Variants in ANKS1B observed in about 807,000 individuals in gnomAD.
The protein encoded by ANKS1B is ankyrin repeat and sterile alpha motif domain-containing protein 1B.
Under a neutral mutation model 148.3 loss-of-function variants are expected in ANKS1B, and 36 were observed. The ratio of observed to expected loss-of-function variants is 0.24; its 90% CI spans 0.19 to 0.32. ANKS1B has a LOEUF of 0.32. ANKS1B is among the 10% of genes least tolerant of loss of function. ANKS1B has a pLI of 1.00. For missense variants in ANKS1B, 1,157 were observed against 1,542.6 expected (o/e 0.75, Z 4.19); for synonymous variants, 542 against 560.8 (o/e 0.97, Z 0.47).
chr12:98,821,649 C>T (rs1402998234), intron 19 of ANKS1B, among the ~76,000 whole-genome samples: 2 of 152,188 alleles, frequency 1.3e-5, no homozygotes, highest in Non-Finnish European at 2.9e-5. Context: ...TGCTCTGTTT[C>T]CCAGGCTGGA....
chr12:99,327,080 A>G (rs1010657862), intron 12 of ANKS1B, among the ~76,000 whole-genome samples: 3 of 132,174 alleles, frequency 2.3e-5, no homozygotes, highest in African/African-American at 8.5e-5. Flanking sequence ...TAATATATTA[A>G]TGTTATATTA....
chr12:98,895,299 T>C lies in ANKS1B; in HGVS notation c.2779-63163A>G, dbSNP rs568824180. 1,040 of 985,114 alleles carry C rather than the reference T, an allele frequency of 1.1e-3. 15 individuals carry two copies. In the African/African-American group the frequency reaches 0.017, roughly 17 times the overall value. 61.0% of individuals were successfully genotyped at this position (985,114 alleles called of 1,614,324 possible). The stretch of plus-strand genomic sequence containing the variant: ...CGCATCCTCGGTTACTATGGATATC[T>C]CGCTCCTCCGCCGCCCCCTCCGCGC... On this transcript the variant is annotated intron_variant, in intron 17 of 26. Coordinates refer to ENST00000683438, the MANE Select transcript of ANKS1B (RefSeq NM_001352186.2).
intron 17 of ANKS1B, among the ~76,000 whole-genome samples, chr12:99,004,979 T>C (rs543159206): frequency 1.3e-5 from 2 of 152,280 alleles, no homozygotes; most frequent in South Asian, 4.2e-4. Context: ...TAATTGCCTG[T>C]GCCCTCGCAA....
chr12:99,141,644 C>A (rs2070827107), intron 15 of ANKS1B, among the ~76,000 whole-genome samples: 1 of 151,116 alleles, frequency 6.6e-6, no homozygotes, highest in South Asian at 2.1e-4. Context: ...GTGTTCTCAT[C>A]ATTCAGCTCC....
chr12:98,769,055 T>C (rs541367734), intron 25 of ANKS1B, among the ~76,000 whole-genome samples: 17 of 149,674 alleles, frequency 1.1e-4, no homozygotes, highest in African/African-American at 3.9e-4. Context: ...ATGTGACCCA[T>C]AAAAGGTCTT....
chr12:98,742,176 T>C (rs1361223345), downstream of ANKS1B, among the ~76,000 whole-genome samples: 1 of 152,252 alleles, frequency 6.6e-6, no homozygotes, highest in Non-Finnish European at 1.5e-5. Flanking sequence ...CTCCACTGTC[T>C]GAACCAAGTT....
intron 17 of ANKS1B, among the ~76,000 whole-genome samples, chr12:98,905,687 A>G (rs1327614958): frequency 6.6e-6 from 1 of 152,054 alleles, no homozygotes; most frequent in Non-Finnish European, 1.5e-5. Context: ...CAAGAGGATC[A>G]CTTGCGCCCA....
chr12:99,325,543 A>T (rs1286843460), intron 12 of ANKS1B, among the ~76,000 whole-genome samples: 1 of 151,422 alleles, frequency 6.6e-6, no homozygotes, highest in African/African-American at 2.5e-5. Flanking sequence ...AACAGCAGAA[A>T]CAACAGCGAA....
intron 10 of ANKS1B, among the ~76,000 whole-genome samples, chr12:99,461,781 C>T (rs1167694121): frequency 6.6e-6 from 1 of 152,166 alleles, no homozygotes. Context: ...CTTACGTAAT[C>T]TTTGCTTTAA....
intron 12 of ANKS1B, among the ~76,000 whole-genome samples, chr12:99,367,435 G>A (rs543587277): frequency 2.4e-4 from 36 of 152,270 alleles, no homozygotes; most frequent in African/African-American, 7.9e-4. Flanking sequence ...ACTGATGGAA[G>A]TGCAAAATGG....
chr12:99,371,822 C>T (rs183478505), intron 12 of ANKS1B, among the ~76,000 whole-genome samples: 1 of 152,182 alleles, frequency 6.6e-6, no homozygotes, highest in East Asian at 1.9e-4. Flanking sequence ...GTAAACTTCA[C>T]CAGTATATAA....
chr12:98,937,775 C>T (rs980616788), intron 17 of ANKS1B, among the ~76,000 whole-genome samples: 1 of 151,988 alleles, frequency 6.6e-6, no homozygotes, highest in Non-Finnish European at 1.5e-5. Context: ...TGAAACTGGG[C>T]AATTTATGAA....
At position 99,246,632 on chromosome 12, in the gene ANKS1B, T is replaced by C. The variant is rs2073910005; in HGVS notation, c.1989A>G (p.Lys663=). Residue 663 remains lysine, a synonymous_variant, in exon 13 of 27, where the codon AAA becomes AAG. Transcript: ENST00000683438. ...IENNSEPLVK[K]IKPKVVSRTI... is the part of the protein sequence containing the mutation. ...TTCTACTGACCACTTTGGGTTTAAT[T>C]TTCTTTACCAAAGGTTCTGAGTTAT... 1 of 1,613,562 alleles carries C rather than the reference T, an allele frequency of 6.2e-7. No individual in the cohort carries two copies. Among genetic ancestry groups the C allele is most frequent in the Non-Finnish European group, 8.5e-7 (1 of 1,179,798 alleles).
At chr12:98,785,301 C>T (rs1319724245) in intron 22 of ANKS1B, among the ~76,000 whole-genome samples, 1 of 152,070 alleles carries the variant, frequency 6.6e-6, no homozygotes, top group Admixed American at 6.5e-5. Flanking sequence ...AAAACCCCGT[C>T]TCTACTAAAA....
intron 12 of ANKS1B, among the ~76,000 whole-genome samples, chr12:99,296,531 A>G (rs2080892053): frequency 6.6e-6 from 1 of 152,148 alleles, no homozygotes; most frequent in South Asian, 2.1e-4. Flanking sequence ...CAAAAGTAAC[A>G]TCCTCAGAGA....
intron 26 of ANKS1B, among the ~76,000 whole-genome samples, chr12:98,750,754 G>A (rs2098064440): frequency 6.6e-6 from 1 of 152,226 alleles, no homozygotes; most frequent in African/African-American, 2.4e-5. Flanking sequence ...AGAGCCTGTG[G>A]GAGGGAAGGG....
chr12:98,891,037 G>T (rs1331494491), intron 17 of ANKS1B, among the ~76,000 whole-genome samples: 2 of 152,164 alleles, frequency 1.3e-5, no homozygotes, highest in Non-Finnish European at 2.9e-5. Context: ...ATCCTCTGAG[G>T]TTAGTAGTTT....
At chr12:99,243,512 C>A (rs185395717) in intron 14 of ANKS1B, among the ~76,000 whole-genome samples, 1 of 152,312 alleles carries the variant, frequency 6.6e-6, no homozygotes, top group Admixed American at 6.5e-5. Context: ...TTTGACCCAG[C>A]CATCCCATTA....
intron 10 of ANKS1B, among the ~76,000 whole-genome samples, chr12:99,479,432 T>C (rs1459641198): frequency 2.0e-5 from 3 of 152,024 alleles, no homozygotes; most frequent in African/African-American, 7.2e-5. Context: ...TAATAAAGCT[T>C]TCTTCAAATT....
Sources: gnomAD v4.1 joint callset for allele counts (sites outside exome capture counted in the v4.1 genomes callset) on GRCh38, gnomAD v4.1.1 for gene constraint, MANE v1.5 for transcripts, NCBI Gene and HGNC (gene_info 2026-07-23, HGNC 2026-07-21) for gene names.